Variants in PRDM16 observed in about 807,000 individuals in gnomAD.
PRDM16 encodes histone-lysine N-methyltransferase PRDM16.
PRDM16 carries 23 observed loss-of-function variants against 110.6 expected under a neutral mutation model. The observed-to-expected ratio is 0.21, with a 90% confidence interval of 0.15 to 0.29. PRDM16 has a LOEUF of 0.29. Among genes scored for constraint, PRDM16 ranks in the 10% least tolerant of loss-of-function variants. The probability of loss-of-function intolerance (pLI) is 1.00; values close to 1 mark genes in which losing one functional copy is unlikely to be tolerated. For synonymous variants in PRDM16, 799 were observed against 781.8 expected (o/e 1.02, Z -0.37); for missense variants, 1,615 against 1,794.3 (o/e 0.90, Z 1.81).
chr1:3,252,100 C>A (rs1479002476), intron 3 of PRDM16, among the ~76,000 whole-genome samples: 1 of 152,250 alleles, frequency 6.6e-6, no homozygotes, highest in Admixed American at 6.5e-5. Context: ...GGTGCTGGGA[C>A]TCCTTGGGAC....
intron 1 of PRDM16, among the ~76,000 whole-genome samples, chr1:3,164,492 C>G (rs962186704): frequency 6.6e-6 from 1 of 152,194 alleles, no homozygotes; most frequent in Non-Finnish European, 1.5e-5. Flanking sequence ...GGCTTCCAGT[C>G]TTCAAATTGG....
At chr1:3,287,797 C>G (rs1305046120) in intron 3 of PRDM16, among the ~76,000 whole-genome samples, 2 of 143,142 alleles carry the variant, frequency 1.4e-5, no homozygotes, top group Admixed American at 6.8e-5. Context: ...GGAGCCGCCC[C>G]CTGCCACGTG....
intron 3 of PRDM16, among the ~76,000 whole-genome samples, chr1:3,368,415 G>A (rs1049825539): frequency 2.6e-5 from 4 of 152,208 alleles, no homozygotes; most frequent in African/African-American, 9.6e-5. Context: ...CACCGTAGGA[G>A]ACTCTTCTGT....
Position 3,255,135 on chromosome 1 carries a change from A to C in PRDM16, c.438+10998A>C, listed in dbSNP as rs894476013. ...AAAGCTGAAACTGGATCCCTTCCTT[A>C]CACCTTATACAAAAATTAATTCAAG... On this transcript the variant is annotated intron_variant, in intron 3 of 16. Transcript: ENST00000270722. The surrounding 1 kb of genome is among the most constrained non-coding windows in gnomAD (Gnocchi z 4.7). 6.6e-6 allele frequency among the ~76,000 whole-genome samples: 1 copy of C among 151,956 alleles called. No individual in the cohort carries two copies. Among genetic ancestry groups the C allele is most frequent in the East Asian group, 1.9e-4 (1 of 5,194 alleles).
chr1:3,269,286 C>T (rs552822897), intron 3 of PRDM16, among the ~76,000 whole-genome samples: 215 of 151,880 alleles, frequency 1.4e-3, no homozygotes, highest in Non-Finnish European at 2.1e-3. Flanking sequence ...GGGAGAAGCG[C>T]AGCCCAGAGT....
chr1:3,405,456 T>C, intron 7 of PRDM16, 39 bp from the exon 8 acceptor site: 2 of 1,513,890 alleles, frequency 1.3e-6, no homozygotes, highest in South Asian at 2.6e-5. Flanking sequence ...AAGGCGGGTG[T>C]CCAGGCAGGG....
At chr1:3,408,673 A>T (rs1447538465) in intron 8 of PRDM16, among the ~76,000 whole-genome samples, 3 of 130,326 alleles carry the variant, frequency 2.3e-5, no homozygotes, top group Non-Finnish European at 3.2e-5. Flanking sequence ...AGAGTGTGTG[A>T]GTGTGAGCAC....
In PRDM16 at chr1:3,088,273, G is replaced by A. The variant is rs1210608220; in HGVS notation, c.37+18977G>A. ...CTGGGGACCGGAGTCACTGGGCACA[G>A]TCTAGAAAGCAATAAAAATAATAAT... On this transcript the variant is annotated intron_variant, in intron 1 of 16. Coordinates refer to ENST00000270722, the MANE Select transcript of PRDM16 (RefSeq NM_022114.4). Among the ~76,000 whole-genome samples the A allele has an allele frequency of 2.0e-5, 3 of 151,958 alleles. No individual in the cohort carries two copies. The South Asian group carries it at 6.2e-4, about 32-fold the overall frequency.
At position 3,080,112 on chromosome 1, in the gene PRDM16, CAA is replaced by C. The variant is rs1358054681; in HGVS notation, c.37+10818_37+10819del. On this transcript the variant is annotated intron_variant, in intron 1 of 16. Coordinates refer to ENST00000270722, the MANE Select transcript of PRDM16 (RefSeq NM_022114.4). The surrounding 1 kb of genome is among the most constrained non-coding windows in gnomAD (Gnocchi z 5.2). ...GCACGCTGTAACCCCTGAGAAGAAA[CAA>C]AGAGGAAACGAGGCTGTTTAGATAA... Among the ~76,000 whole-genome samples, 4 of 152,214 alleles carry C rather than the reference CAA, an allele frequency of 2.6e-5. No individual in the cohort carries two copies. The highest frequency in any genetic ancestry group is 4.8e-5 in the African/African-American group (2 of 41,448).
chr1:3,192,769 G>A (rs1638345574), intron 2 of PRDM16, among the ~76,000 whole-genome samples: 1 of 152,132 alleles, frequency 6.6e-6, no homozygotes, highest in South Asian at 2.1e-4. Context: ...TGTGGCCCAT[G>A]AGCAAACAGG....
intron 3 of PRDM16, among the ~76,000 whole-genome samples, chr1:3,275,092 T>C (rs1016191833): frequency 2.0e-5 from 3 of 152,250 alleles, no homozygotes; most frequent in Non-Finnish European, 4.4e-5. Flanking sequence ...AGAGCCATTC[T>C]GGACGCTTAG....
At chr1:3,278,220 C>T (rs1438256792) in intron 3 of PRDM16, among the ~76,000 whole-genome samples, 3 of 152,236 alleles carry the variant, frequency 2.0e-5, no homozygotes, top group Non-Finnish European at 4.4e-5. Flanking sequence ...CAGAGAAGAC[C>T]CCCTCAAGGC....
chr1:3,398,599 C>T (rs918562522), intron 5 of PRDM16, among the ~76,000 whole-genome samples: 6 of 152,214 alleles, frequency 3.9e-5, no homozygotes, highest in Non-Finnish European at 8.8e-5. Flanking sequence ...AGTACGTAGA[C>T]GCCACTTAAT....
intron 1 of PRDM16, among the ~76,000 whole-genome samples, chr1:3,171,379 C>T (rs551110627): frequency 9.2e-5 from 14 of 152,210 alleles, no homozygotes; most frequent in East Asian, 3.9e-4. Context: ...CTTTTCTGAA[C>T]GAGCCCTGGC....
intron 3 of PRDM16, among the ~76,000 whole-genome samples, chr1:3,260,171 C>G (rs900902038): frequency 2.6e-5 from 4 of 152,244 alleles, no homozygotes; most frequent in African/African-American, 7.2e-5. Flanking sequence ...TACCCACACC[C>G]TGGCCTAGCA....
chr1:3,102,927 C>T lies in PRDM16; in HGVS notation c.37+33631C>T, dbSNP rs553937717. ...CAACCTCAGGGTCACCTGACAGCCC[C>T]GGTGATGTGAGTCTGAATGTATCAT... is the stretch of plus-strand genomic sequence containing the variant. On this transcript the variant is annotated intron_variant, in intron 1 of 16. Transcript: ENST00000270722. Among the ~76,000 whole-genome samples the T allele has an allele frequency of 5.3e-4, 80 of 152,326 alleles. 1 individual carries two copies. In the South Asian group the frequency reaches 6.8e-3, roughly 13 times the overall value.
At position 3,255,555 on chromosome 1, in the gene PRDM16, C is replaced by T. The variant is rs1329371940; in HGVS notation, c.438+11418C>T. 3.3e-5 allele frequency among the ~76,000 whole-genome samples: 5 copies of T among 151,774 alleles called. No individual in the cohort carries two copies. The East Asian group carries it at 7.8e-4, about 24-fold the overall frequency. The stretch of plus-strand genomic sequence containing the variant: ...TGGCCACAGTGGCACGGGGAGGGGG[C>T]GGGAGACACAAGCCATCCCCTAACT... On this transcript the variant is annotated intron_variant, in intron 3 of 16. Transcript: ENST00000270722. This position sits in a 1 kb window ranked among gnomAD's most constrained non-coding sequence, Gnocchi z 4.7.
intron 1 of PRDM16, among the ~76,000 whole-genome samples, chr1:3,103,293 T>C (rs963224750): frequency 6.6e-6 from 1 of 152,250 alleles, no homozygotes; most frequent in Admixed American, 6.5e-5. Flanking sequence ...GTCTTCTGCC[T>C]GTGTCTTCAC....
chr1:3,415,597 G>A (rs933409032), intron 10 of PRDM16, among the ~76,000 whole-genome samples: 4 of 152,254 alleles, frequency 2.6e-5, no homozygotes, highest in African/African-American at 9.6e-5. Context: ...CCAGCCAGGC[G>A]CATCCTGCGT....
Sources: gnomAD v4.1 joint callset for allele counts (sites outside exome capture counted in the v4.1 genomes callset) on GRCh38, gnomAD v4.1.1 for gene constraint, Gnocchi (gnomAD v3.1) non-coding constraint, MANE v1.5 for transcripts, NCBI Gene and HGNC (gene_info 2026-07-23, HGNC 2026-07-21) for gene names.